CAMSAP2: variants seen among roughly 807,000 people sequenced by gnomAD.
CAMSAP2 encodes calmodulin-regulated spectrin-associated protein 2.
Under a neutral mutation model 146.1 loss-of-function variants are expected in CAMSAP2, and 26 were observed. That is an observed-to-expected ratio of 0.18 (90% CI 0.13 to 0.25). The LOEUF (loss-of-function observed/expected upper bound fraction) is 0.25, where lower values mean the gene tolerates loss of function less well. Among genes scored for constraint, CAMSAP2 ranks in the 10% least tolerant of loss-of-function variants. The pLI is 1.00. For missense variants in CAMSAP2, 1,381 were observed against 1,759.3 expected (o/e 0.78, Z 3.85); for synonymous variants, 499 against 596.6 (o/e 0.84, Z 2.38).
At chr1:200,762,252 G>A (rs1664822796) in intron 2 of CAMSAP2, among the ~76,000 whole-genome samples, 1 of 151,904 alleles carries the variant, frequency 6.6e-6, no homozygotes, top group African/African-American at 2.4e-5. Context: ...TCTAAGTAAT[G>A]GAAAATAATG....
intron 2 of CAMSAP2, among the ~76,000 whole-genome samples, chr1:200,803,555 G>A (rs73086660): frequency 0.1 from 15,296 of 151,548 alleles, 869 homozygotes; most frequent in Middle Eastern, 0.14. Context: ...TAAATCCATT[G>A]TGTATATACT....
At chr1:200,780,341 A>C (rs1366184638) in intron 2 of CAMSAP2, among the ~76,000 whole-genome samples, 1 of 152,220 alleles carries the variant, frequency 6.6e-6, no homozygotes, top group East Asian at 1.9e-4. Context: ...CAGTTAAAAA[A>C]ACTTAACAGT....
At chr1:200,768,693 C>T (rs1280399546) in intron 2 of CAMSAP2, among the ~76,000 whole-genome samples, 1 of 151,984 alleles carries the variant, frequency 6.6e-6, no homozygotes, top group Admixed American at 6.6e-5. Flanking sequence ...CTTGCTCTGT[C>T]ACCAGGCTGG....
At chr1:200,787,616 A>G (rs1334322353) in intron 2 of CAMSAP2, among the ~76,000 whole-genome samples, 1 of 152,178 alleles carries the variant, frequency 6.6e-6, no homozygotes, top group East Asian at 1.9e-4. Flanking sequence ...CAAACAATGG[A>G]TTTACAGTAT....
intron 6 of CAMSAP2, among the ~76,000 whole-genome samples, chr1:200,836,609 T>G (rs954840130): frequency 6.6e-6 from 1 of 152,232 alleles, no homozygotes; most frequent in Non-Finnish European, 1.5e-5. Flanking sequence ...ATATACCCAG[T>G]AATGGGATTG....
At chr1:200,812,269 A>T (rs751813016) in intron 3 of CAMSAP2, among the ~76,000 whole-genome samples, 13 of 150,974 alleles carry the variant, frequency 8.6e-5, no homozygotes, top group Non-Finnish European at 1.8e-4. Context: ...TGACAAAGAG[A>T]TTATATTTAA....
intron 2 of CAMSAP2, among the ~76,000 whole-genome samples, chr1:200,778,864 C>T (rs1665354333): frequency 6.6e-6 from 1 of 152,010 alleles, no homozygotes; most frequent in African/African-American, 2.4e-5. Context: ...TGGGTCCAAG[C>T]CATTTTTTTT....
chr1:200,838,106 G>A (rs1300010235), intron 6 of CAMSAP2, among the ~76,000 whole-genome samples: 1 of 152,090 alleles, frequency 6.6e-6, no homozygotes, highest in Non-Finnish European at 1.5e-5. Context: ...AACTCAGAAA[G>A]ACATAATCTT....
At chr1:200,801,373 A>G (rs1350408243) in intron 2 of CAMSAP2, among the ~76,000 whole-genome samples, 1 of 152,106 alleles carries the variant, frequency 6.6e-6, no homozygotes, top group Admixed American at 6.6e-5. Flanking sequence ...CTTTGTGGGT[A>G]ACCTGACCTT....
intron 2 of CAMSAP2, among the ~76,000 whole-genome samples, chr1:200,785,174 G>GT (rs1665549441): frequency 6.6e-6 from 1 of 152,048 alleles, no homozygotes; most frequent in Non-Finnish European, 1.5e-5. Context: ...TCTCAAGGGT[G>GT]TTTACAGCCA....
chr1:200,767,593 A>G (rs1029109910), intron 2 of CAMSAP2, among the ~76,000 whole-genome samples: 3 of 151,644 alleles, frequency 2.0e-5, no homozygotes. Context: ...GAGGCTTGTT[A>G]AAAAAAATCC....
At chr1:200,822,649 G>T (rs911115131) in intron 4 of CAMSAP2, among the ~76,000 whole-genome samples, 3 of 152,140 alleles carry the variant, frequency 2.0e-5, no homozygotes, top group African/African-American at 7.2e-5. Context: ...TGACTACAGG[G>T]TTACATTAGT....
chr1:200,756,179 A>C (rs932375785), intron 1 of CAMSAP2, among the ~76,000 whole-genome samples: 2 of 152,192 alleles, frequency 1.3e-5, no homozygotes, highest in African/African-American at 4.8e-5. Context: ...TGGGCCGGGC[A>C]TGGTGGCTGG....
At chr1:200,816,803 CGTGTATATAT>C (rs1666529445) in intron 4 of CAMSAP2, among the ~76,000 whole-genome samples, 1 of 91,386 alleles carries the variant, frequency 1.1e-5, no homozygotes, top group East Asian at 4.0e-4. Context: ...CACACACACG[CGTGTATATAT>C]GTGTGTACAC....
chr1:200,797,780 T>A (rs1364363132), intron 2 of CAMSAP2, among the ~76,000 whole-genome samples: 4 of 107,912 alleles, frequency 3.7e-5, no homozygotes, highest in Non-Finnish European at 7.4e-5. Flanking sequence ...GCCTAGGTTT[T>A]CTTCTAGGGT....
rs988658390 is a variant in CAMSAP2, at chr1:200,739,152, G to C, written c.-676G>C. Among the ~76,000 whole-genome samples the C allele has an allele frequency of 2.6e-5, 4 of 152,028 alleles. No homozygotes were observed. Among genetic ancestry groups the C allele is most frequent in the African/African-American group, 9.7e-5 (4 of 41,394 alleles). Reference sequence around the variant, plus strand: ...GGGGAAGGAGGAGACGGCGACGGGAGGGAGCACAGAGGAGGGGACGGGCCG... The same window carrying C: ...GGGGAAGGAGGAGACGGCGACGGGACGGAGCACAGAGGAGGGGACGGGCCG... On this transcript the variant is annotated 5_prime_UTR_variant, in exon 1 of 17. Transcript: ENST00000358823. The surrounding 1 kb of genome is among the most constrained non-coding windows in gnomAD (Gnocchi z 4.8).
intron 1 of CAMSAP2, among the ~76,000 whole-genome samples, chr1:200,744,214 T>C (rs536956364): frequency 1.3e-5 from 2 of 152,224 alleles, no homozygotes; most frequent in Non-Finnish European, 2.9e-5. Flanking sequence ...CTGTTCTCTA[T>C]GGGTAGAAGT....
At chr1:200,762,829 A>G (rs1394848910) in intron 2 of CAMSAP2, among the ~76,000 whole-genome samples, 1 of 152,126 alleles carries the variant, frequency 6.6e-6, no homozygotes, top group Non-Finnish European at 1.5e-5. Flanking sequence ...TTTCTTTCAC[A>G]CTTTATTGAT....
In CAMSAP2 at chr1:200,815,579, G is replaced by C; in HGVS notation, c.580G>C (p.Asp194His). 3 of 1,554,174 alleles carry C rather than the reference G, an allele frequency of 1.9e-6. No individual in the cohort carries two copies. The highest frequency in any genetic ancestry group is 2.6e-6 in the Non-Finnish European group (3 of 1,147,464). The change falls in exon 4 of 17, where the codon GAC becomes CAC. Residue 194 changes from aspartate to histidine, a missense_variant. Around this residue, in one of 4 missense-constraint regions of CAMSAP2, gnomAD observed 284 missense variants for 406.9 expected, o/e 0.70. Transcript: ENST00000358823. The stretch of plus-strand genomic sequence containing the variant: ...TTTTAAGGTAAATGAACATTTGAAA[G>C]ACATAATGGAACAAGAACAAAAACT... ...WINKVNEHLKDIMEQEQKLKE... is the reference protein window; with the variant it reads ...WINKVNEHLKHIMEQEQKLKE...
Sources: allele counts gnomAD v4.1 joint callset (sites outside exome capture counted in the v4.1 genomes callset), GRCh38; gene constraint gnomAD v4.1.1; regional missense constraint gnomAD v4.1.1; non-coding constraint Gnocchi (gnomAD v3.1); transcripts MANE v1.5; gene names NCBI Gene and HGNC (gene_info 2026-07-23, HGNC 2026-07-21).